Variants in PSMD1 observed in about 807,000 individuals in gnomAD.
PSMD1 encodes the protein 26S proteasome non-ATPase regulatory subunit 1.
PSMD1 carries 18 observed loss-of-function variants against 119.0 expected under a neutral mutation model. The ratio of observed to expected loss-of-function variants is 0.15; its 90% CI spans 0.10 to 0.22. The LOEUF (loss-of-function observed/expected upper bound fraction) is 0.22. Ranked by LOEUF, PSMD1 falls within the 10% of genes least tolerant of loss-of-function variation. PSMD1 has a pLI of 1.00. For synonymous variants in PSMD1, 374 were observed against 396.6 expected, an observed-to-expected ratio of 0.94 and a Z score of 0.68; for missense variants, 702 against 1,158.5, an observed-to-expected ratio of 0.61 and a Z score of 5.72.
chr2:231,072,465 A>G (rs766126969), intron 7 of PSMD1, 50 bp downstream of exon 7: 5 of 1,476,042 alleles, frequency 3.4e-6, no homozygotes, highest in Non-Finnish European at 9.4e-7. Flanking sequence ...TCTTTATTTC[A>G]TTTTGGGGAC....
chr2:231,071,506 T>G (rs1423442632), intron 6 of PSMD1, among the ~76,000 whole-genome samples: 1 of 152,130 alleles, frequency 6.6e-6, no homozygotes, highest in Non-Finnish European at 1.5e-5. Flanking sequence ...TACTTGATTG[T>G]TGTAATCATT....
intron 8 of PSMD1, among the ~76,000 whole-genome samples, chr2:231,076,380 A>G (rs1437054787): frequency 2.0e-5 from 3 of 152,154 alleles, no homozygotes; most frequent in African/African-American, 4.8e-5. Context: ...AGTTTATAAG[A>G]TCAAGGCTGG....
intron 9 of PSMD1, among the ~76,000 whole-genome samples, chr2:231,077,664 A>G (rs1008888292): frequency 6.6e-6 from 1 of 152,184 alleles, no homozygotes; most frequent in Admixed American, 6.5e-5. Flanking sequence ...TGCTCTTAAC[A>G]GTTATTAATA....
At chr2:231,140,495 C>CAAA (rs766658246) in intron 17 of PSMD1, among the ~76,000 whole-genome samples, 4 of 48,456 alleles carry the variant, frequency 8.3e-5, no homozygotes, top group East Asian at 6.7e-4. Flanking sequence ...GACTCCATCT[C>CAAA]AAAAAAAAAA....
chr2:231,129,474 C>T (rs1003094988), intron 16 of PSMD1, among the ~76,000 whole-genome samples: 1 of 152,136 alleles, frequency 6.6e-6, no homozygotes, highest in Non-Finnish European at 1.5e-5. Flanking sequence ...TTTAGCAGCA[C>T]CTGAAAAGTA....
chr2:231,072,471 G>A lies in PSMD1; in HGVS notation c.881+56G>A. 2.1e-6 allele frequency: 3 copies of A among 1,447,278 alleles called. No homozygotes were observed. The South Asian group carries it at 3.6e-5, about 17-fold the overall frequency. The allele number at this position is 1,447,278 out of a possible 1,614,324, so 89.7% of individuals were successfully genotyped here. A position where few individuals can be genotyped will look rare whatever the true frequency, so the allele number is the denominator to read the frequency against. On this transcript the variant is annotated intron_variant, in intron 7 of 24. Coordinates refer to ENST00000308696, the MANE Select transcript of PSMD1 (RefSeq NM_002807.4). ...ATTGAATAATCTTTATTTCATTTTG[G>A]GGACAGGTAGAATATTTATAGGAAG...
In PSMD1 at chr2:231,062,642, A is replaced by C. The variant is rs1693787822; in HGVS notation, c.271A>C (p.Asn91His). ...ALGAGDLFNV[N>H]DNSEYVETII... is the part of the protein sequence containing the mutation. ...TGGAGCAGGGGACCTCTTCAATGTC[A>C]ATGATAACTCTGAATATGTGGAAAC... is the stretch of plus-strand genomic sequence containing the variant. Residue 91 changes from asparagine to histidine, a missense_variant, in exon 4 of 25, where the codon AAT (asparagine) becomes CAT (histidine). Asn to His is a moderately conservative substitution (Grantham distance 68, BLOSUM62 1). Transcript: ENST00000308696. The C allele has an allele frequency of 1.7e-5, 27 of 1,611,576 alleles. No individual in the cohort carries two copies. Among genetic ancestry groups the C allele is most frequent in the Non-Finnish European group, 2.2e-5 (26 of 1,179,088 alleles).
intron 16 of PSMD1, among the ~76,000 whole-genome samples, chr2:231,106,807 A>G (rs1694989154): frequency 6.6e-6 from 1 of 152,136 alleles, no homozygotes; most frequent in African/African-American, 2.4e-5. Flanking sequence ...AGTTTTGGCA[A>G]TGTGATTGCC....
At chr2:231,141,865 T>C (rs1321079743) in intron 17 of PSMD1, among the ~76,000 whole-genome samples, 1 of 151,850 alleles carries the variant, frequency 6.6e-6, no homozygotes, top group Non-Finnish European at 1.5e-5. Flanking sequence ...TTTGTTTTTA[T>C]TTATTTATTT....
rs1050796267 is a variant in PSMD1, at chr2:231,165,164, A to C, written c.2482-36A>C. The C allele has an allele frequency of 2.0e-6, 3 of 1,526,786 alleles. No homozygotes were observed. In the African/African-American group the frequency reaches 4.2e-5, roughly 21 times the overall value. 94.6% of individuals were successfully genotyped at this position (1,526,786 alleles called of 1,614,324 possible). A position where few individuals can be genotyped will look rare whatever the true frequency, so the allele number is the denominator to read the frequency against. ...GGGCTTGCATGTTTGTATGTCAGTA[A>C]GGGATTACAACAGTTTACCCTGCTC... On this transcript the variant is annotated intron_variant, in intron 21 of 24. Coordinates refer to ENST00000308696, the MANE Select transcript of PSMD1 (RefSeq NM_002807.4).
chr2:231,159,234 G>T (rs917630415), intron 19 of PSMD1, among the ~76,000 whole-genome samples: 2 of 152,168 alleles, frequency 1.3e-5, no homozygotes, highest in Non-Finnish European at 2.9e-5. Flanking sequence ...GAAGATTCTT[G>T]CATTTCAAAG....
At chr2:231,137,086 ATATAT>A (rs1231593526) in intron 16 of PSMD1, among the ~76,000 whole-genome samples, 3 of 145,602 alleles carry the variant, frequency 2.1e-5, no homozygotes, top group African/African-American at 5.0e-5. Flanking sequence ...ATATATATTT[ATATAT>A]TATATTTTAT....
chr2:231,085,512 G>A (rs1187897685), intron 15 of PSMD1, among the ~76,000 whole-genome samples: 2 of 152,134 alleles, frequency 1.3e-5, no homozygotes, highest in Non-Finnish European at 2.9e-5. Flanking sequence ...TACCCCTAAT[G>A]GGTGCAGTGG....
At chr2:231,114,006 C>A in intron 16 of PSMD1, 1 of 1,152,116 alleles carries the variant, frequency 8.7e-7, no homozygotes, top group East Asian at 2.5e-5. Context: ...TCAGGTGATA[C>A]ATCTTTTGTC....
chr2:231,146,199 A>C (rs1696247743), intron 17 of PSMD1, 41 bp from the exon 18 acceptor site: 1 of 1,392,242 alleles, frequency 7.2e-7, no homozygotes, highest in Non-Finnish European at 1.0e-6. Context: ...CAGCCATATC[A>C]ACTTTATTTA....
At chr2:231,088,719 C>T (rs891161647) in intron 16 of PSMD1, among the ~76,000 whole-genome samples, 2 of 152,168 alleles carry the variant, frequency 1.3e-5, no homozygotes, top group Non-Finnish European at 2.9e-5. Flanking sequence ...CCCTGAGACA[C>T]AATAATATTG....
At position 231,080,189 on chromosome 2, in the gene PSMD1, G is replaced by A. The variant is rs1401415022; in HGVS notation, c.1288G>A (p.Asp430Asn). 6.2e-7 allele frequency: 1 copy of A among 1,613,644 alleles called. No homozygotes were observed. The highest frequency in any genetic ancestry group is 8.5e-7 in the Non-Finnish European group (1 of 1,179,798). The change falls in exon 12 of 25, where the codon GAT (aspartate) becomes AAT (asparagine). Residue 430 changes from aspartate to asparagine, a missense_variant. Physicochemically the swap from Asp to Asn is conservative, Grantham distance 23. This residue lies in a region of PSMD1 where 272 missense variants were observed against 511.6 expected (regional missense o/e 0.53). Coordinates refer to ENST00000308696, the MANE Select transcript of PSMD1 (RefSeq NM_002807.4). ...GTTAATGGCAACATACCTTCCCAAG[G>A]ATACTTCTCCAGGATCAGCCTATCA... ...LQLMATYLPK[D>N]TSPGSAYQEG... is the part of the protein sequence containing the mutation.
intron 16 of PSMD1, among the ~76,000 whole-genome samples, chr2:231,129,773 T>G (rs1412593283): frequency 6.6e-6 from 1 of 152,242 alleles, no homozygotes; most frequent in East Asian, 1.9e-4. Flanking sequence ...TCTCAGCTTT[T>G]TCCCTGAAAA....
At chr2:231,085,802 C>G (rs988300695) in intron 15 of PSMD1, among the ~76,000 whole-genome samples, 6 of 152,198 alleles carry the variant, frequency 3.9e-5, no homozygotes, top group African/African-American at 1.4e-4. Context: ...CCTGGTCACA[C>G]AGTGGACATT....
Sources: gnomAD v4.1 joint callset for allele counts (sites outside exome capture counted in the v4.1 genomes callset) on GRCh38, gnomAD v4.1.1 for gene constraint, gnomAD v4.1.1 regional missense constraint, MANE v1.5 for transcripts, NCBI Gene and HGNC (gene_info 2026-07-23, HGNC 2026-07-21) for gene names.